The following SLC39A11 variants were observed in gnomAD, a reference collection of about 807,000 sequenced individuals.
SLC39A11 encodes the protein zinc transporter ZIP11.
Under a neutral mutation model 36.1 loss-of-function variants are expected in SLC39A11, and 33 were observed. The ratio of observed to expected loss-of-function variants is 0.91; its 90% CI spans 0.69 to 1.22. The LOEUF is 1.22. Ranked by LOEUF, SLC39A11 falls within the 50% of genes most tolerant of loss-of-function variation. The probability of loss-of-function intolerance (pLI) is 0.00; values close to 1 mark genes in which losing one functional copy is unlikely to be tolerated. For synonymous variants in SLC39A11, 166 were observed against 170.3 expected (o/e 0.97, Z 0.20); for missense variants, 432 against 430.3 (o/e 1.00, Z -0.03).
chr17:72,760,837 T>A (rs1030880393), intron 6 of SLC39A11, among the ~76,000 whole-genome samples: 5 of 152,164 alleles, frequency 3.3e-5, no homozygotes, highest in Admixed American at 6.6e-5. Flanking sequence ...TACTGTCTGA[T>A]CTGCCTTCCA....
intron 7 of SLC39A11, among the ~76,000 whole-genome samples, chr17:72,714,556 T>C (rs1467338584): frequency 2.0e-5 from 3 of 152,100 alleles, no homozygotes; most frequent in Admixed American, 1.3e-4. Context: ...TCCTGCTGAG[T>C]GCCTGCTACG....
At chr17:72,751,268 C>A (rs2075144905) in intron 6 of SLC39A11, among the ~76,000 whole-genome samples, 1 of 151,964 alleles carries the variant, frequency 6.6e-6, no homozygotes, top group Non-Finnish European at 1.5e-5. Context: ...AGTGAGCGTA[C>A]AATATTGGTG....
intron 5 of SLC39A11, among the ~76,000 whole-genome samples, chr17:72,881,567 A>C (rs955024537): frequency 4.6e-5 from 7 of 152,242 alleles, no homozygotes; most frequent in African/African-American, 1.7e-4. Context: ...AGAATATGAT[A>C]TATGTCATTT....
At chr17:72,827,026 G>A (rs976045641) in intron 6 of SLC39A11, among the ~76,000 whole-genome samples, 13 of 152,106 alleles carry the variant, frequency 8.5e-5, no homozygotes, top group South Asian at 2.1e-4. Context: ...TGAAAATGCC[G>A]TTATACAAAA....
chr17:72,897,671 A>T (rs989304636), intron 5 of SLC39A11, among the ~76,000 whole-genome samples: 1 of 152,198 alleles, frequency 6.6e-6, no homozygotes, highest in African/African-American at 2.4e-5. Flanking sequence ...CAGCATAGTG[A>T]GGGTCCTGGT....
intron 3 of SLC39A11, among the ~76,000 whole-genome samples, chr17:73,042,817 T>G (rs34357742): frequency 0.12 from 18,292 of 152,060 alleles, 1,432 homozygotes; most frequent in Middle Eastern, 0.19. Flanking sequence ...TGAATAATAA[T>G]AATAAGAAGA....
At chr17:72,678,559 G>A (rs1235740944) in intron 7 of SLC39A11, among the ~76,000 whole-genome samples, 2 of 152,176 alleles carry the variant, frequency 1.3e-5, no homozygotes, top group African/African-American at 4.8e-5. Context: ...ACAAAAATTA[G>A]CCCGGCATGG....
chr17:72,802,879 TC>T (rs2077138593), intron 6 of SLC39A11, among the ~76,000 whole-genome samples: 3 of 152,086 alleles, frequency 2.0e-5, no homozygotes, highest in Admixed American at 1.3e-4. Context: ...CTATGGAAAG[TC>T]CCCATCGCAC....
chr17:72,967,281 G>C (rs899736087), intron 4 of SLC39A11, among the ~76,000 whole-genome samples: 2 of 151,730 alleles, frequency 1.3e-5, no homozygotes, highest in Admixed American at 6.6e-5. Flanking sequence ...TGCCAAAAAG[G>C]CTAGGGACTA....
intron 6 of SLC39A11, among the ~76,000 whole-genome samples, chr17:72,845,094 A>C (rs566632707): frequency 6.6e-6 from 1 of 152,374 alleles, no homozygotes; most frequent in African/African-American, 2.4e-5. Flanking sequence ...TGGATTCTGC[A>C]GTGGCCTCTA....
At chr17:73,023,453 T>G (rs1465517038) in intron 4 of SLC39A11, among the ~76,000 whole-genome samples, 2 of 152,100 alleles carry the variant, frequency 1.3e-5, no homozygotes, top group Admixed American at 6.6e-5. Context: ...GTTGAAAAGG[T>G]GTCCAATCAA....
chr17:72,901,799 G>C (rs2082405026), intron 5 of SLC39A11, among the ~76,000 whole-genome samples: 2 of 152,170 alleles, frequency 1.3e-5, no homozygotes, highest in African/African-American at 4.8e-5. Flanking sequence ...TTGATTATGG[G>C]AACAGATGCT....
intron 7 of SLC39A11, among the ~76,000 whole-genome samples, chr17:72,727,931 C>T (rs2074000463): frequency 6.6e-6 from 1 of 152,168 alleles, no homozygotes; most frequent in Admixed American, 6.6e-5. Flanking sequence ...AGGTCAGAAA[C>T]CCCTGAAGTG....
chr17:72,915,275 A>G (rs57998914), intron 5 of SLC39A11, among the ~76,000 whole-genome samples: 27,184 of 152,056 alleles, frequency 0.18, 2,530 homozygotes, highest in Non-Finnish European at 0.2. Context: ...TCTCTCGCCC[A>G]CCATCCACCC....
chr17:73,077,001 C>T (rs183830903), intron 3 of SLC39A11, among the ~76,000 whole-genome samples: 17 of 152,088 alleles, frequency 1.1e-4, no homozygotes, highest in African/African-American at 2.9e-4. Flanking sequence ...TAGATACCCA[C>T]GTGGCAAATG....
At chr17:72,971,921 G>A (rs1382809360) in intron 4 of SLC39A11, among the ~76,000 whole-genome samples, 3 of 152,224 alleles carry the variant, frequency 2.0e-5, no homozygotes, top group East Asian at 3.8e-4. Context: ...CTTACAACCT[G>A]TTGGGACCCG....
At chr17:72,693,647 C>G (rs990431146) in intron 7 of SLC39A11, among the ~76,000 whole-genome samples, 2 of 152,148 alleles carry the variant, frequency 1.3e-5, no homozygotes, top group African/African-American at 2.4e-5. Flanking sequence ...GCCAAGGAAA[C>G]AGCAGCCCGC....
intron 6 of SLC39A11, among the ~76,000 whole-genome samples, chr17:72,780,187 C>T (rs1349602043): frequency 6.6e-6 from 1 of 152,126 alleles, no homozygotes; most frequent in Non-Finnish European, 1.5e-5. Flanking sequence ...TCCAAGTGGG[C>T]CAGCACTGCC....
chr17:72,947,612 T>C lies in SLC39A11; in HGVS notation c.430+140A>G, dbSNP rs1261993827. On this transcript the variant is annotated intron_variant, in intron 5 of 9. Coordinates refer to ENST00000255559, the MANE Select transcript of SLC39A11 (RefSeq NM_139177.4). ...ATGCCAGTTTAGCTCCATGCAGTAG[T>C]AGGGTGAGTGATTCGGAGGGATAGG... 3 of 1,242,768 alleles carry C rather than the reference T, an allele frequency of 2.4e-6. No homozygotes were observed. The South Asian group carries it at 4.0e-5, about 16-fold the overall frequency. The allele number at this position is 1,242,768 out of a possible 1,614,324, so 77.0% of individuals were successfully genotyped here. A position where few individuals can be genotyped will look rare whatever the true frequency, so the allele number is the denominator to read the frequency against.
Sources: allele counts gnomAD v4.1 joint callset (sites outside exome capture counted in the v4.1 genomes callset), GRCh38; gene constraint gnomAD v4.1.1; transcripts MANE v1.5; gene names NCBI Gene and HGNC (gene_info 2026-07-23, HGNC 2026-07-21).